The following ZDHHC14 variants were observed in gnomAD, a reference collection of about 807,000 sequenced individuals.
ZDHHC14 encodes the protein palmitoyltransferase ZDHHC14.
Under a neutral mutation model 47.7 loss-of-function variants are expected in ZDHHC14, and 16 were observed. The ratio of observed to expected loss-of-function variants is 0.34; its 90% CI spans 0.23 to 0.51. ZDHHC14 has a LOEUF of 0.51. Among genes scored for constraint, ZDHHC14 ranks in the 20% least tolerant of loss-of-function variants. The pLI, the probability that ZDHHC14 is intolerant of heterozygous loss-of-function variation, is 0.97. For missense variants in ZDHHC14, 515 were observed against 662.5 expected (o/e 0.78, Z 2.44); for synonymous variants, 293 against 278.9 (o/e 1.05, Z -0.50).
At chr6:157,494,547 C>A (rs1780009154) in intron 1 of ZDHHC14, among the ~76,000 whole-genome samples, 1 of 152,198 alleles carries the variant, frequency 6.6e-6, no homozygotes, top group Admixed American at 6.5e-5. Flanking sequence ...GCTCTGGAAG[C>A]TCTTTCCAAA....
chr6:157,632,747 C>T, intron 4 of ZDHHC14, 87 bp from the exon 5 acceptor site: 1 of 1,192,952 alleles, frequency 8.4e-7, no homozygotes, highest in Non-Finnish European at 1.3e-6. Context: ...TGATCTTTAG[C>T]CATCTATTAT....
chr6:157,509,465 A>G (rs768707256), intron 1 of ZDHHC14, among the ~76,000 whole-genome samples: 1 of 152,190 alleles, frequency 6.6e-6, no homozygotes, highest in Non-Finnish European at 1.5e-5. Flanking sequence ...TATTGTCCCC[A>G]TTTAAAAAAT....
intron 3 of ZDHHC14, among the ~76,000 whole-genome samples, chr6:157,608,716 T>C (rs1056555532): frequency 2.0e-5 from 3 of 152,086 alleles, no homozygotes; most frequent in African/African-American, 7.2e-5. Context: ...AGAGTTTTGA[T>C]CTTATCTGAG....
intron 1 of ZDHHC14, among the ~76,000 whole-genome samples, chr6:157,424,227 G>A (rs1583632831): frequency 1.3e-5 from 2 of 152,118 alleles, no homozygotes; most frequent in Non-Finnish European, 2.9e-5. Flanking sequence ...TCTGAACAGA[G>A]GGGAAAAAAG....
chr6:157,461,397 G>T (rs1317816174), intron 1 of ZDHHC14, among the ~76,000 whole-genome samples: 1 of 152,186 alleles, frequency 6.6e-6, no homozygotes, highest in East Asian at 1.9e-4. Context: ...AGGACATCAG[G>T]ATACAGCTGG....
chr6:157,580,514 G>A lies in ZDHHC14; in HGVS notation c.407-12474G>A, dbSNP rs1241872482. Among the ~76,000 whole-genome samples the A allele has an allele frequency of 3.3e-5, 5 of 152,078 alleles. No homozygotes were observed. The East Asian group carries it at 9.6e-4, about 29-fold the overall frequency. On this transcript the variant is annotated intron_variant, in intron 2 of 8. Transcript: ENST00000359775. ...TAGAATTCGGCTGTGAATCCATCTG[G>A]TCCTGGGCTTTTCTTGGTTAGTAAG...
Position 157,674,917 on chromosome 6 carries a change from A to C in ZDHHC14, c.*1795A>C, listed in dbSNP as rs1778945335. Reference sequence around the variant, plus strand: ...CCATTTTTGATTTTCTGAACCACCTAACTACTTGTACCCACCTGCAATGTG... The same window carrying C: ...CCATTTTTGATTTTCTGAACCACCTCACTACTTGTACCCACCTGCAATGTG... On this transcript the variant is annotated 3_prime_UTR_variant, in exon 9 of 9. Transcript: ENST00000359775. 1 of 152,176 alleles carries C rather than the reference A, an allele frequency of 6.6e-6. No homozygotes were observed. Among genetic ancestry groups the C allele is most frequent in the Admixed American group, 6.5e-5 (1 of 15,280 alleles). 9.4% of individuals were successfully genotyped at this position (152,176 alleles called of 1,614,324 possible).
intron 2 of ZDHHC14, among the ~76,000 whole-genome samples, chr6:157,585,545 T>C (rs1040617197): frequency 5.3e-5 from 8 of 152,264 alleles, no homozygotes; most frequent in African/African-American, 1.9e-4. Flanking sequence ...GACTTCATGA[T>C]TGGCCACTGG....
intron 3 of ZDHHC14, among the ~76,000 whole-genome samples, chr6:157,614,740 T>C (rs1784894021): frequency 6.6e-6 from 1 of 151,674 alleles, no homozygotes; most frequent in Non-Finnish European, 1.5e-5. Flanking sequence ...CTTCGTGTTC[T>C]GCTCTCTCCA....
chr6:157,540,908 G>GTATATATATA (rs1200618040), intron 1 of ZDHHC14, among the ~76,000 whole-genome samples: 26 of 131,534 alleles, frequency 2.0e-4, no homozygotes, highest in African/African-American at 9.6e-4. Flanking sequence ...GTGTGTGTGT[G>GTATATATATA]TGTATATATA....
At position 157,510,168 on chromosome 6, in the gene ZDHHC14, C is replaced by T. The variant is rs527438564; in HGVS notation, c.246-32417C>T. Among the ~76,000 whole-genome samples, 123 of 152,258 alleles carry T rather than the reference C, an allele frequency of 8.1e-4. 1 individual carries two copies. The South Asian group carries it at 0.018, about 23-fold the overall frequency. On this transcript the variant is annotated intron_variant, in intron 1 of 8. Coordinates refer to ENST00000359775, the MANE Select transcript of ZDHHC14 (RefSeq NM_024630.3). ...CTGAGGCAGGAGAATCACTTGAACC[C>T]GGAGGCTGGAAGTTGCAGTGGGCCC...
intron 2 of ZDHHC14, among the ~76,000 whole-genome samples, chr6:157,550,876 T>G (rs574714762): frequency 6.6e-6 from 1 of 152,216 alleles, no homozygotes; most frequent in Non-Finnish European, 1.5e-5. Context: ...AATGTTGACA[T>G]GCTCTGCTAA....
At chr6:157,478,202 C>CTCTCTACT (rs537873161) in intron 1 of ZDHHC14, among the ~76,000 whole-genome samples, 23,448 of 152,018 alleles carry the variant, frequency 0.15, 2,322 homozygotes, top group Middle Eastern at 0.23. Context: ...GTCTTCAGTA[C>CTCTCTACT]TCTCTACTTT....
At chr6:157,585,432 C>CAAA (rs1783657340) in intron 2 of ZDHHC14, among the ~76,000 whole-genome samples, 1 of 149,122 alleles carries the variant, frequency 6.7e-6, no homozygotes, top group Admixed American at 6.7e-5. Flanking sequence ...AAAAAAAAAC[C>CAAA]CAAAACCAGA....
intron 1 of ZDHHC14, among the ~76,000 whole-genome samples, chr6:157,458,849 A>ATTTTTTTTTGTTTTTTT (rs1778992467): frequency 1.2e-5 from 1 of 81,226 alleles, no homozygotes; most frequent in Non-Finnish European, 2.3e-5. Context: ...ATGTGGGTGG[A>ATTTTTTTTTGTTTTTTT]TTTTTTTTTT....
chr6:157,595,504 T>C (rs574640834), intron 3 of ZDHHC14, among the ~76,000 whole-genome samples: 6 of 152,326 alleles, frequency 3.9e-5, no homozygotes, highest in South Asian at 4.2e-4. Context: ...GCTAGATTTT[T>C]AATCACAGTC....
chr6:157,510,999 CA>C (rs1408035019), intron 1 of ZDHHC14, among the ~76,000 whole-genome samples: 1 of 152,212 alleles, frequency 6.6e-6, no homozygotes, highest in African/African-American at 2.4e-5. Flanking sequence ...GCTTAGAAAT[CA>C]AATCATGGAA....
chr6:157,511,315 C>G (rs536915542), intron 1 of ZDHHC14, among the ~76,000 whole-genome samples: 1 of 152,094 alleles, frequency 6.6e-6, no homozygotes, highest in South Asian at 2.1e-4. Context: ...TTTCTGTAAA[C>G]TACAGCCAAT....
chr6:157,581,624 G>GGATA (rs1783524164), intron 2 of ZDHHC14, among the ~76,000 whole-genome samples: 1 of 151,998 alleles, frequency 6.6e-6, no homozygotes, highest in African/African-American at 2.4e-5. Context: ...TATATATTTA[G>GGATA]GATAGTTAGG....
Sources: allele counts gnomAD v4.1 joint callset (sites outside exome capture counted in the v4.1 genomes callset), GRCh38; gene constraint gnomAD v4.1.1; transcripts MANE v1.5; gene names NCBI Gene and HGNC (gene_info 2026-07-23, HGNC 2026-07-21).